ALCAM: variants seen among roughly 807,000 people sequenced by gnomAD.
ALCAM encodes the protein activated leukocyte cell adhesion molecule.
A neutral mutation model predicts 70.9 loss-of-function variants in ALCAM; 30 were observed. That is an observed-to-expected ratio of 0.42 (90% confidence interval 0.32 to 0.57). The LOEUF (loss-of-function observed/expected upper bound fraction) is 0.57, where lower values mean the gene tolerates loss of function less well. Ranked by LOEUF, ALCAM falls within the 20% of genes least tolerant of loss-of-function variation. The probability of loss-of-function intolerance (pLI) is 0.11; values close to 1 mark genes in which losing one functional copy is unlikely to be tolerated. For missense variants in ALCAM, 591 were observed against 695.1 expected (o/e 0.85, Z 1.68); for synonymous variants, 249 against 242.5 (o/e 1.03, Z -0.25).
At chr3:105,532,105 T>G in intron 4 of ALCAM, 39 bp downstream of exon 4, 1 of 1,525,604 alleles carries the variant, frequency 6.6e-7, no homozygotes, top group South Asian at 1.1e-5. Flanking sequence ...ATTTAGCCAG[T>G]GTTGTAAGTG....
chr3:105,487,758 C>T (rs1274189777), intron 1 of ALCAM, among the ~76,000 whole-genome samples: 2 of 152,052 alleles, frequency 1.3e-5, no homozygotes, highest in Non-Finnish European at 2.9e-5. Context: ...AGAAGTGAGA[C>T]TACAAAGACT....
intron 1 of ALCAM, among the ~76,000 whole-genome samples, chr3:105,500,667 T>G (rs2291378): frequency 0.12 from 18,601 of 152,184 alleles, 1,330 homozygotes; most frequent in East Asian, 0.24. Flanking sequence ...AATATTGGAT[T>G]AAGAGTCACA....
At chr3:105,400,379 A>G (rs769399316) in intron 1 of ALCAM, among the ~76,000 whole-genome samples, 4 of 152,324 alleles carry the variant, frequency 2.6e-5, no homozygotes, top group Non-Finnish European at 4.4e-5. Context: ...GAAACCTAAT[A>G]TCTTCATTTT....
intron 1 of ALCAM, among the ~76,000 whole-genome samples, chr3:105,477,254 A>AT (rs1216168922): frequency 6.6e-6 from 1 of 151,910 alleles, no homozygotes; most frequent in Admixed American, 6.6e-5. Context: ...AATGCTCTTC[A>AT]TTTTTTTCAG....
chr3:105,385,108 C>A (rs1935617298), intron 1 of ALCAM, among the ~76,000 whole-genome samples: 1 of 151,516 alleles, frequency 6.6e-6, no homozygotes, highest in Non-Finnish European at 1.5e-5. Flanking sequence ...GCTTCACGTT[C>A]TTGATGTTGT....
chr3:105,459,668 A>G (rs1401867531), intron 1 of ALCAM, among the ~76,000 whole-genome samples: 1 of 152,148 alleles, frequency 6.6e-6, no homozygotes, highest in Admixed American at 6.6e-5. Flanking sequence ...AATGCTTAGC[A>G]TGTAGTAAGT....
At chr3:105,517,854 A>G (rs1466719953) in intron 1 of ALCAM, among the ~76,000 whole-genome samples, 4 of 152,116 alleles carry the variant, frequency 2.6e-5, no homozygotes, top group African/African-American at 9.7e-5. Flanking sequence ...ACCAAAATGG[A>G]AAGAACTCCA....
intron 1 of ALCAM, among the ~76,000 whole-genome samples, chr3:105,389,375 T>TTTTG (rs1553718638): frequency 3.2e-5 from 4 of 125,500 alleles, no homozygotes; most frequent in African/African-American, 1.2e-4. Flanking sequence ...TACATAGTTT[T>TTTTG]TTTTTTTTTT....
intron 1 of ALCAM, among the ~76,000 whole-genome samples, chr3:105,431,104 G>A (rs1489658681): frequency 8.8e-5 from 13 of 148,220 alleles, no homozygotes; most frequent in South Asian, 2.1e-4. Flanking sequence ...AGAGGTACTC[G>A]ATCCCTAATT....
chr3:105,536,922 A>T (rs996924859), intron 6 of ALCAM, among the ~76,000 whole-genome samples: 1 of 152,072 alleles, frequency 6.6e-6, no homozygotes, highest in Admixed American at 6.6e-5. Context: ...TGAGTTTCTG[A>T]TTTAGTGGGT....
chr3:105,409,995 T>C (rs1181135425), intron 1 of ALCAM, among the ~76,000 whole-genome samples: 1 of 152,078 alleles, frequency 6.6e-6, no homozygotes, highest in Non-Finnish European at 1.5e-5. Context: ...TGACACATTA[T>C]TATCACCCAT....
At chr3:105,383,464 A>G (rs1935576662) in intron 1 of ALCAM, among the ~76,000 whole-genome samples, 2 of 151,838 alleles carry the variant, frequency 1.3e-5, no homozygotes, top group Admixed American at 1.3e-4. Flanking sequence ...AGTCAAAATT[A>G]CATTTCATAA....
chr3:105,571,296 G>A (rs562960), intron 14 of ALCAM, among the ~76,000 whole-genome samples: 4 of 152,028 alleles, frequency 2.6e-5, no homozygotes, highest in Non-Finnish European at 5.9e-5. Flanking sequence ...CATAATTTGA[G>A]AACCAGCCAC....
At chr3:105,486,152 C>T (rs1320966870) in intron 1 of ALCAM, among the ~76,000 whole-genome samples, 1 of 151,982 alleles carries the variant, frequency 6.6e-6, no homozygotes, top group Non-Finnish European at 1.5e-5. Flanking sequence ...AGCATTGATC[C>T]TTCCATGCTT....
intron 1 of ALCAM, among the ~76,000 whole-genome samples, chr3:105,474,985 C>CA (rs925615527): frequency 4.8e-4 from 73 of 150,594 alleles, no homozygotes; most frequent in Admixed American, 1.8e-3. Context: ...TCAATTTGAG[C>CA]AAAAAAAAAT....
At chr3:105,376,121 CAGAG>C (rs150234191) in intron 1 of ALCAM, among the ~76,000 whole-genome samples, 3 of 150,626 alleles carry the variant, frequency 2.0e-5, no homozygotes, top group Non-Finnish European at 4.4e-5. Flanking sequence ...AAGACAGAGA[CAGAG>C]AGAGAGAGAG....
intron 1 of ALCAM, among the ~76,000 whole-genome samples, chr3:105,487,422 T>C (rs1298932019): frequency 6.6e-6 from 1 of 152,106 alleles, no homozygotes; most frequent in Non-Finnish European, 1.5e-5. Context: ...AAAATCAAAT[T>C]TGTGGAGCCA....
intron 1 of ALCAM, among the ~76,000 whole-genome samples, chr3:105,409,956 T>C (rs1164785890): frequency 6.6e-6 from 1 of 152,024 alleles, no homozygotes; most frequent in Non-Finnish European, 1.5e-5. Context: ...ATGAGAGAGG[T>C]ACTTTGTTAC....
chr3:105,391,839 T>G (rs1407531365), intron 1 of ALCAM, among the ~76,000 whole-genome samples: 3 of 152,024 alleles, frequency 2.0e-5, no homozygotes, highest in Non-Finnish European at 2.9e-5. Flanking sequence ...ATTATTGTGG[T>G]TTTTTTCCTT....
Sources: allele counts gnomAD v4.1 joint callset (sites outside exome capture counted in the v4.1 genomes callset), GRCh38; gene constraint gnomAD v4.1.1; transcripts MANE v1.5; gene names NCBI Gene and HGNC (gene_info 2026-07-23, HGNC 2026-07-21).